The following ANKRD13B variants were observed in gnomAD, a reference collection of about 807,000 sequenced individuals.
ANKRD13B encodes the protein ankyrin repeat domain 13B.
ANKRD13B carries 33 observed loss-of-function variants against 74.4 expected under a neutral mutation model. The observed-to-expected ratio is 0.44, with a 90% CI of 0.34 to 0.59. The LOEUF is 0.59. ANKRD13B is among the 20% of genes least tolerant of loss of function. ANKRD13B has a pLI of 0.02. For missense variants in ANKRD13B, 676 were observed against 877.9 expected (o/e 0.77, Z 2.91); for synonymous variants, 341 against 362.9 (o/e 0.94, Z 0.68).
chr17:29,607,690 G>A, intron 1 of ANKRD13B, 52 bp from the exon 2 acceptor site: 1 of 1,557,312 alleles, frequency 6.4e-7, no homozygotes, highest in Non-Finnish European at 8.7e-7. Flanking sequence ...GCTCCGGAGG[G>A]CTGCCTCCGA....
chr17:29,613,857 C>G lies in ANKRD13B; in HGVS notation c.*275C>G. The stretch of plus-strand genomic sequence containing the variant: ...CCCGCTCCCCTGGGCTCAGATCTGT[C>G]CTGTCCTAGGGCGGAGCCAGGCGGT... On this transcript the variant is annotated 3_prime_UTR_variant, in exon 15 of 15. Transcript: ENST00000394859. 2.1e-6 allele frequency: 1 copy of G among 483,892 alleles called. No homozygotes were observed. Among genetic ancestry groups the G allele is most frequent in the Non-Finnish European group, 3.5e-6 (1 of 283,460 alleles). The allele number at this position is 483,892 out of a possible 1,614,324, so 30.0% of individuals were successfully genotyped here.
chr17:29,611,486 C>T lies in ANKRD13B; in HGVS notation c.905-93C>T. 2 of 1,381,286 alleles carry T rather than the reference C, an allele frequency of 1.4e-6. No homozygotes were observed. Among genetic ancestry groups the T allele is most frequent in the Non-Finnish European group, 2.1e-6 (2 of 973,658 alleles). The allele number at this position is 1,381,286 out of a possible 1,614,324, so 85.6% of individuals were successfully genotyped here. A position where few individuals can be genotyped will look rare whatever the true frequency, so the allele number is the denominator to read the frequency against. On this transcript the variant is annotated intron_variant, in intron 8 of 14. Transcript: ENST00000394859. The surrounding 1 kb of genome is among the most constrained non-coding windows in gnomAD (Gnocchi z 4.3). ...AGCAGGCCCCACCCCAGGAACCGGC[C>T]TCCTCCCTAGGTCTTGGGTGCTGTC...
At chr17:29,598,623 A>G (rs1247494762) in intron 1 of ANKRD13B, among the ~76,000 whole-genome samples, 1 of 151,748 alleles carries the variant, frequency 6.6e-6, no homozygotes. Flanking sequence ...ATCACAGCTC[A>G]GTGCAGCCTC....
rs181501222 is a variant in ANKRD13B, at chr17:29,601,084, T to C, written c.115-6658T>C. Among the ~76,000 whole-genome samples the C allele has an allele frequency of 2.4e-4, 36 of 150,016 alleles. No homozygotes were observed. The East Asian group carries it at 5.7e-3, about 24-fold the overall frequency. On this transcript the variant is annotated intron_variant, in intron 1 of 14. Coordinates refer to ENST00000394859, the MANE Select transcript of ANKRD13B (RefSeq NM_152345.5). Reference sequence around the variant, plus strand: ...GACGATAGGCATGCACCACCACGCCTGGCTAATTTTAGTATTTTTTTGTAG... The same window carrying C: ...GACGATAGGCATGCACCACCACGCCCGGCTAATTTTAGTATTTTTTTGTAG...
chr17:29,610,439 G>T (rs2034543372), intron 7 of ANKRD13B, among the ~76,000 whole-genome samples: 1 of 152,124 alleles, frequency 6.6e-6, no homozygotes, highest in East Asian at 1.9e-4. Flanking sequence ...ATCATGTTTG[G>T]CTTGTTTACT....
rs1841082183 is a variant in ANKRD13B, at chr17:29,612,877, C to T, written c.1576-10C>T. On this transcript the variant is annotated splice_polypyrimidine_tract_variant and intron_variant, in intron 13 of 14. Coordinates refer to ENST00000394859, the MANE Select transcript of ANKRD13B (RefSeq NM_152345.5). This position sits in a 1 kb window ranked among gnomAD's most constrained non-coding sequence, Gnocchi z 6.1. ...GCGCCGCCACGGCTAACGCCCACGC[C>T]TCCCCGCAGGTCACCATCTGGGAGG... The T allele has an allele frequency of 6.3e-7, 1 of 1,599,428 alleles. No homozygotes were observed. Among genetic ancestry groups the T allele is most frequent in the Non-Finnish European group, 8.5e-7 (1 of 1,179,466 alleles).
rs902681358 is a variant in ANKRD13B at position 29,608,540 on chromosome 17, C to G, written c.421+300C>G. On this transcript the variant is annotated intron_variant, in intron 4 of 14. Transcript: ENST00000394859. This position sits in a 1 kb window ranked among gnomAD's most constrained non-coding sequence, Gnocchi z 6.4. ...TTTTTCACTGTTGTATTCCCAGTGG[C>G]TGGAACACTCAGTAGGTGTTTCATA... is the stretch of plus-strand genomic sequence containing the variant. 1.8e-5 allele frequency: 10 copies of G among 570,780 alleles called. No individual in the cohort carries two copies. The highest frequency in any genetic ancestry group is 3.1e-5 in the Non-Finnish European group (10 of 324,074). 35.4% of individuals were successfully genotyped at this position (570,780 alleles called of 1,614,324 possible).
rs150172789 is a variant in ANKRD13B, at chr17:29,610,541, G to T, written c.823-144G>T. 9.5e-3 allele frequency: 5,196 copies of T among 548,328 alleles called. 30 individuals carry two copies. The highest frequency in any genetic ancestry group is 0.012 in the Non-Finnish European group (3,920 of 317,042). 34.0% of individuals were successfully genotyped at this position (548,328 alleles called of 1,614,324 possible). ...TAAGTGAATGAATGAATGAATGAAT[G>T]ACCTCATATATTCACTTACCCAAAA... On this transcript the variant is annotated intron_variant, in intron 7 of 14. Coordinates refer to ENST00000394859, the MANE Select transcript of ANKRD13B (RefSeq NM_152345.5).
rs1364380328 is a variant in ANKRD13B at position 29,612,060 on chromosome 17, T to C, written c.1100+54T>C. 11 of 1,608,494 alleles carry C rather than the reference T, an allele frequency of 6.8e-6. No individual in the cohort carries two copies. The highest frequency in any genetic ancestry group is 1.7e-4 in the Middle Eastern group (1 of 6,054). On this transcript the variant is annotated intron_variant, in intron 10 of 14. Coordinates refer to ENST00000394859, the MANE Select transcript of ANKRD13B (RefSeq NM_152345.5). This position sits in a 1 kb window ranked among gnomAD's most constrained non-coding sequence, Gnocchi z 6.1. ...GGGGGGCCGGGGCTCCAGGAGATGC[T>C]GGGAGGCCATGGCTTCCTGCAGTGT...
Position 29,613,683 on chromosome 17 carries a change from C to CT in ANKRD13B, c.*102dup. On this transcript the variant is annotated 3_prime_UTR_variant, in exon 15 of 15. Transcript: ENST00000394859. ...GCGCCTGCAGAGCGGCGGCTGGAGA[C>CT]TGGAGCCACCGCCTCGCGGGTGCAG... 7.3e-7 allele frequency: 1 copy of CT among 1,368,144 alleles called. No homozygotes were observed. The highest frequency in any genetic ancestry group is 9.4e-7 in the Non-Finnish European group (1 of 1,064,136). The allele number at this position is 1,368,144 out of a possible 1,614,324, so 84.8% of individuals were successfully genotyped here.
At position 29,611,666 on chromosome 17, in the gene ANKRD13B, G is replaced by A. The variant is rs375444481; in HGVS notation, c.969+23G>A. 21 of 1,612,182 alleles carry A rather than the reference G, an allele frequency of 1.3e-5. No homozygotes were observed. The East Asian group carries it at 2.5e-4, about 19-fold the overall frequency. On this transcript the variant is annotated intron_variant, in intron 9 of 14. Transcript: ENST00000394859. This position sits in a 1 kb window ranked among gnomAD's most constrained non-coding sequence, Gnocchi z 4.3. ...GGGGTGAGTGTGTGCAGGGGTACCC[G>A]TAAGTGGAGGGATGTGGATGTGGCT...
At chr17:29,598,534 C>T (rs939204082) in intron 1 of ANKRD13B, among the ~76,000 whole-genome samples, 11 of 136,032 alleles carry the variant, frequency 8.1e-5, no homozygotes, top group African/African-American at 2.9e-4. Flanking sequence ...CTCCCTTTCT[C>T]TTTCTTTCTT....
rs1598616753 is a variant in ANKRD13B at position 29,611,523 on chromosome 17, G to A, written c.905-56G>A. On this transcript the variant is annotated intron_variant, in intron 8 of 14. Transcript: ENST00000394859. The surrounding 1 kb of genome is among the most constrained non-coding windows in gnomAD (Gnocchi z 4.3). Reference sequence around the variant, plus strand: ...TCTTGGGTGCTGTCACCTCTGATGAGGTGCCCAGGTGTGTGTGGAGTTGCG... The same window carrying A: ...TCTTGGGTGCTGTCACCTCTGATGAAGTGCCCAGGTGTGTGTGGAGTTGCG... 3.0e-5 allele frequency: 47 copies of A among 1,578,852 alleles called. No homozygotes were observed. The highest frequency in any genetic ancestry group is 3.9e-5 in the Non-Finnish European group (45 of 1,148,490).
At position 29,612,515 on chromosome 17, in the gene ANKRD13B, G is replaced by C; in HGVS notation, c.1372G>C (p.Gly458Arg). The change falls in exon 12 of 15, where the codon GGC becomes CGC. Residue 458 changes from glycine (G) to arginine (R), a missense_variant. Coordinates refer to ENST00000394859, the MANE Select transcript of ANKRD13B (RefSeq NM_152345.5). This position sits in a 1 kb window ranked among gnomAD's most constrained non-coding sequence, Gnocchi z 6.1. ...GSPSSETPSPGSDSSSVSSSS... is the reference protein window; with the variant it reads ...GSPSSETPSPRSDSSSVSSSS... ...CCCCAGCAGCGAGACGCCTTCCCCA[G>C]GCAGCGACTCCTCCAGCGTCAGCAG... The C allele has an allele frequency of 6.3e-7, 1 of 1,575,762 alleles. No homozygotes were observed. The highest frequency in any genetic ancestry group is 1.8e-5 in the Admixed American group (1 of 54,388).
rs2150895281 is a variant in ANKRD13B, at chr17:29,607,981, C to T, written c.251-5C>T. The T allele has an allele frequency of 6.2e-7, 1 of 1,602,168 alleles. No homozygotes were observed. Among genetic ancestry groups the T allele is most frequent in the South Asian group, 1.1e-5 (1 of 90,120 alleles). ...GCCCTGTGACCTTGCCTCGCCCTCC[C>T]CCAGTGCTCCAGGAGGCTGTGAGTA... On this transcript the variant is annotated splice_region_variant and splice_polypyrimidine_tract_variant and intron_variant, in intron 2 of 14. Coordinates refer to ENST00000394859, the MANE Select transcript of ANKRD13B (RefSeq NM_152345.5).
At position 29,611,483 on chromosome 17, in the gene ANKRD13B, G is replaced by A. The variant is rs575275889; in HGVS notation, c.905-96G>A. 4.5e-6 allele frequency: 6 copies of A among 1,336,500 alleles called. No homozygotes were observed. Among genetic ancestry groups the A allele is most frequent in the East Asian group, 4.6e-5 (2 of 43,032 alleles). The allele number at this position is 1,336,500 out of a possible 1,614,324, so 82.8% of individuals were successfully genotyped here. A position where few individuals can be genotyped will look rare whatever the true frequency, so the allele number is the denominator to read the frequency against. ...GTGAGCAGGCCCCACCCCAGGAACC[G>A]GCCTCCTCCCTAGGTCTTGGGTGCT... On this transcript the variant is annotated intron_variant, in intron 8 of 14. Transcript: ENST00000394859. This position sits in a 1 kb window ranked among gnomAD's most constrained non-coding sequence, Gnocchi z 4.3.
Position 29,613,896 on chromosome 17 carries a change from T to G in ANKRD13B, c.*314T>G, listed in dbSNP as rs1302579839. Reference sequence around the variant, plus strand: ...GAGCCAGGCGGTCCTGAGGGGGAGATGAATCCTTAGAGGAGCGCTGTCCCT... The same window carrying G: ...GAGCCAGGCGGTCCTGAGGGGGAGAGGAATCCTTAGAGGAGCGCTGTCCCT... On this transcript the variant is annotated 3_prime_UTR_variant, in exon 15 of 15. Transcript: ENST00000394859. 3.6e-5 allele frequency: 13 copies of G among 363,228 alleles called. No individual in the cohort carries two copies. The highest frequency in any genetic ancestry group is 5.0e-5 in the Non-Finnish European group (10 of 201,822). The allele number at this position is 363,228 out of a possible 1,614,324, so 22.5% of individuals were successfully genotyped here.
chr17:29,600,045 T>G (rs1248600249), intron 1 of ANKRD13B, among the ~76,000 whole-genome samples: 1 of 151,688 alleles, frequency 6.6e-6, no homozygotes, highest in Non-Finnish European at 1.5e-5. Context: ...CCCAGCTAAT[T>G]TTTTGTATTT....
At chr17:29,596,740 C>G (rs1489993985) in intron 1 of ANKRD13B, among the ~76,000 whole-genome samples, 2 of 152,194 alleles carry the variant, frequency 1.3e-5, no homozygotes, top group South Asian at 4.1e-4. Context: ...CCAGGATGTG[C>G]GAGGAGCACC....
Sources: gnomAD v4.1 joint callset for allele counts (sites outside exome capture counted in the v4.1 genomes callset) on GRCh38, gnomAD v4.1.1 for gene constraint, Gnocchi (gnomAD v3.1) non-coding constraint, MANE v1.5 for transcripts, NCBI Gene and HGNC (gene_info 2026-07-23, HGNC 2026-07-21) for gene names.